The following PPARG variants were observed in gnomAD, a reference collection of about 807,000 sequenced individuals.
PPARG encodes the protein peroxisome proliferator activated receptor gamma.
PPARG carries 17 observed loss-of-function variants against 39.2 expected under a neutral mutation model. That is an observed-to-expected ratio of 0.43 (90% confidence interval 0.30 to 0.65). The LOEUF is 0.65. Among genes scored for constraint, PPARG ranks in the 30% least tolerant of loss-of-function variants. The pLI is 0.13. For synonymous variants in PPARG, 223 were observed against 215.7 expected (o/e 1.03, Z -0.30); for missense variants, 406 against 585.9 (o/e 0.69, Z 3.17).
At chr3:12,405,178 C>T (rs1453296709) in intron 5 of PPARG, among the ~76,000 whole-genome samples, 4 of 152,232 alleles carry the variant, frequency 2.6e-5, no homozygotes, top group South Asian at 2.1e-4. Context: ...CCACTAACCC[C>T]TCTTACATTT....
At chr3:12,312,494 G>C (rs13073869) in intron 2 of PPARG, 41 bp downstream of exon 2, 3 of 152,016 alleles carry the variant, frequency 2.0e-5, no homozygotes, top group African/African-American at 7.2e-5. Context: ...GTATTGAAAA[G>C]TATCCCTTTT....
chr3:12,414,367 C>T (rs947067547), intron 6 of PPARG, among the ~76,000 whole-genome samples: 3 of 152,032 alleles, frequency 2.0e-5, no homozygotes, highest in Non-Finnish European at 4.4e-5. Flanking sequence ...AATCCTAGCA[C>T]GCACTTAGGG....
chr3:12,361,035 T>C (rs1409066887), intron 2 of PPARG, among the ~76,000 whole-genome samples: 2 of 152,126 alleles, frequency 1.3e-5, no homozygotes, highest in East Asian at 3.9e-4. Flanking sequence ...AGTGCATGAG[T>C]GTTCTAGCTC....
Position 12,349,745 on chromosome 3 carries a change from T to C in PPARG, c.-8-29959T>C, listed in dbSNP as rs368697475. Among the ~76,000 whole-genome samples, 56 of 152,300 alleles carry C rather than the reference T, an allele frequency of 3.7e-4. No homozygotes were observed. The South Asian group carries it at 0.011, about 30-fold the overall frequency. ...AAACATAGTCTGGGGGAAGACGGAATGTCAGAATGTGGTGGGTGCTATAGG... is the reference window on the plus strand; with the variant it reads ...AAACATAGTCTGGGGGAAGACGGAACGTCAGAATGTGGTGGGTGCTATAGG... On this transcript the variant is annotated intron_variant, in intron 2 of 7. Transcript: ENST00000651735.
chr3:12,351,565 T>G, intron 2 of PPARG: 2 of 1,529,174 alleles, frequency 1.3e-6, no homozygotes, highest in Non-Finnish European at 1.8e-6. Flanking sequence ...TCAGTGTGAA[T>G]TACAGCAAAC....
intron 2 of PPARG, among the ~76,000 whole-genome samples, chr3:12,370,363 C>T (rs1431609911): frequency 6.6e-6 from 1 of 151,560 alleles, no homozygotes; most frequent in Non-Finnish European, 1.5e-5. Context: ...TGACAGTGTT[C>T]CTTTCTGTGT....
intron 2 of PPARG, among the ~76,000 whole-genome samples, chr3:12,342,812 A>G (rs940836412): frequency 7.9e-5 from 12 of 152,024 alleles, no homozygotes; most frequent in Non-Finnish European, 1.5e-4. Context: ...TTTTTTAAAC[A>G]AAAAAACCCC....
intron 7 of PPARG, among the ~76,000 whole-genome samples, chr3:12,420,826 G>A (rs747225330): frequency 1.3e-5 from 2 of 152,196 alleles, no homozygotes; most frequent in African/African-American, 2.4e-5. Context: ...TGGGCTTAGC[G>A]TCTCTGCTGT....
At chr3:12,299,397 G>A (rs1190696694) in intron 1 of PPARG, among the ~76,000 whole-genome samples, 1 of 152,084 alleles carries the variant, frequency 6.6e-6, no homozygotes, top group Non-Finnish European at 1.5e-5. Context: ...CTCTGAGATT[G>A]GTATAGTGTA....
At chr3:12,360,282 A>C (rs1158823453) in intron 2 of PPARG, among the ~76,000 whole-genome samples, 1 of 152,160 alleles carries the variant, frequency 6.6e-6, no homozygotes, top group Non-Finnish European at 1.5e-5. Flanking sequence ...AAGTGCTGGG[A>C]TTACAGATGT....
intron 7 of PPARG, among the ~76,000 whole-genome samples, chr3:12,430,039 T>C (rs1237278219): frequency 6.6e-6 from 1 of 152,192 alleles, no homozygotes; most frequent in Non-Finnish European, 1.5e-5. Context: ...CCTTCTTTAA[T>C]GGAAGAAAAG....
At chr3:12,366,307 A>G (rs75638134) in intron 2 of PPARG, among the ~76,000 whole-genome samples, 4,574 of 151,982 alleles carry the variant, frequency 0.03, 213 homozygotes, top group African/African-American at 0.1. Flanking sequence ...CAACCTTGCT[A>G]TAATCACTTA....
intron 2 of PPARG, among the ~76,000 whole-genome samples, chr3:12,328,907 T>C (rs1320431139): frequency 6.6e-6 from 1 of 152,104 alleles, no homozygotes; most frequent in African/African-American, 2.4e-5. Flanking sequence ...TCCCATACAT[T>C]CCAAAAGGAA....
chr3:12,360,585 A>C (rs2048813771), intron 2 of PPARG, among the ~76,000 whole-genome samples: 1 of 151,776 alleles, frequency 6.6e-6, no homozygotes, highest in African/African-American at 2.4e-5. Context: ...AAAAAAAAAA[A>C]AAAACAGAAC....
At chr3:12,375,825 A>C (rs999524203) in intron 2 of PPARG, among the ~76,000 whole-genome samples, 11 of 152,192 alleles carry the variant, frequency 7.2e-5, no homozygotes, top group African/African-American at 2.7e-4. Flanking sequence ...AAACACAGAT[A>C]ACTTAAGGTT....
At chr3:12,308,145 A>G (rs2047123843) in intron 1 of PPARG, among the ~76,000 whole-genome samples, 1 of 152,066 alleles carries the variant, frequency 6.6e-6, no homozygotes, top group African/African-American at 2.4e-5. Flanking sequence ...CGGGTTAGAG[A>G]TCAGCATGGA....
chr3:12,421,212 T>C (rs2051248762), intron 7 of PPARG, among the ~76,000 whole-genome samples: 2 of 152,176 alleles, frequency 1.3e-5, no homozygotes, highest in Admixed American at 1.3e-4. Flanking sequence ...CACTCACTCT[T>C]GTGTTGGTGG....
chr3:12,351,655 G>T (rs1432949218), intron 2 of PPARG: 1 of 1,609,980 alleles, frequency 6.2e-7, no homozygotes, highest in Non-Finnish European at 8.5e-7. Context: ...CTGATACACT[G>T]TCTGCAAACA....
chr3:12,382,471 A>T (rs1006961510), intron 4 of PPARG, among the ~76,000 whole-genome samples: 1 of 152,228 alleles, frequency 6.6e-6, no homozygotes, highest in African/African-American at 2.4e-5. Context: ...TATAAAATAA[A>T]TACCTGCTTA....
Sources: allele counts gnomAD v4.1 joint callset (sites outside exome capture counted in the v4.1 genomes callset), GRCh38; gene constraint gnomAD v4.1.1; transcripts MANE v1.5; gene names NCBI Gene and HGNC (gene_info 2026-07-23, HGNC 2026-07-21).